CCDC80: variants seen among roughly 807,000 people sequenced by gnomAD.
The protein encoded by CCDC80 is coiled-coil domain containing 80, also known as coiled-coil domain-containing protein 80.
In CCDC80, 49 loss-of-function variants were observed where a neutral mutation model predicts 78.7. The ratio of observed to expected loss-of-function variants is 0.62; its 90% CI spans 0.50 to 0.79. The LOEUF (loss-of-function observed/expected upper bound fraction) is 0.79. Ranked by LOEUF, CCDC80 falls within the 30% of genes least tolerant of loss-of-function variation. CCDC80 has a pLI of 0.00. For missense variants in CCDC80, 1,205 were observed against 1,198.6 expected (o/e 1.01, Z -0.08); for synonymous variants, 488 against 447.0 (o/e 1.09, Z -1.16).
chr3:112,609,678 TA>T (rs5851853), intron 6 of CCDC80, among the ~76,000 whole-genome samples: 9 of 150,126 alleles, frequency 6.0e-5, no homozygotes, highest in South Asian at 2.1e-4. Flanking sequence ...TGAGACAATT[TA>T]AAAAAAAACT....
rs1935414723 is a variant in CCDC80, at chr3:112,603,631, A to G, written c.*1786T>C. On this transcript the variant is annotated 3_prime_UTR_variant, in exon 8 of 8. Coordinates refer to ENST00000206423, the MANE Select transcript of CCDC80 (RefSeq NM_199511.3). Reference sequence around the variant, plus strand: ...TATATATATATATAGCTGTTCACTGACAATATACCCAGTCACCCAAGAACT... The same window carrying G: ...TATATATATATATAGCTGTTCACTGGCAATATACCCAGTCACCCAAGAACT... 6.7e-6 allele frequency: 1 copy of G among 150,332 alleles called. No individual in the cohort carries two copies. The highest frequency in any genetic ancestry group is 2.4e-5 in the African/African-American group (1 of 40,972). 9.3% of individuals were successfully genotyped at this position (150,332 alleles called of 1,614,324 possible). A position where few individuals can be genotyped will look rare whatever the true frequency, so the allele number is the denominator to read the frequency against.
chr3:112,632,424 T>G (rs1936116637), intron 2 of CCDC80, among the ~76,000 whole-genome samples: 1 of 152,188 alleles, frequency 6.6e-6, no homozygotes, highest in African/African-American at 2.4e-5. Flanking sequence ...CAAAGCTGCT[T>G]AGATGTTAGA....
chr3:112,640,269 A>T (rs1936315710), intron 1 of CCDC80, 58 bp downstream of exon 1: 1 of 223,632 alleles, frequency 4.5e-6, no homozygotes, highest in Admixed American at 5.1e-5. Flanking sequence ...CATTCCTTCA[A>T]AATAAGCAAT....
At position 112,601,171 on chromosome 3, in the gene CCDC80, A is replaced by C. The variant is rs1054245536; in HGVS notation, c.*4246T>G. 2.0e-5 allele frequency: 3 copies of C among 152,248 alleles called. No homozygotes were observed. The highest frequency in any genetic ancestry group is 4.1e-4 in the South Asian group (2 of 4,834). The allele number at this position is 152,248 out of a possible 1,614,324, so 9.4% of individuals were successfully genotyped here. A position where few individuals can be genotyped will look rare whatever the true frequency, so the allele number is the denominator to read the frequency against. On this transcript the variant is annotated 3_prime_UTR_variant, in exon 8 of 8. Transcript: ENST00000206423. ...GGTCTTTATGGAAAATGAATGGCAGAATAAGTGATTTGTCAAGTTCATTGA... is the reference window on the plus strand; with the variant it reads ...GGTCTTTATGGAAAATGAATGGCAGCATAAGTGATTTGTCAAGTTCATTGA...
intron 2 of CCDC80, among the ~76,000 whole-genome samples, chr3:112,633,409 G>A (rs1400082767): frequency 2.0e-5 from 3 of 152,014 alleles, no homozygotes; most frequent in African/African-American, 4.8e-5. Flanking sequence ...TTTAATTACT[G>A]TTCTTTTTGT....
intron 3 of CCDC80, among the ~76,000 whole-genome samples, chr3:112,623,627 T>A (rs547318257): frequency 7.2e-5 from 11 of 152,304 alleles, no homozygotes; most frequent in African/African-American, 2.6e-4. Context: ...AAAAATTTCC[T>A]GGGTAGTTGT....
At position 112,601,754 on chromosome 3, in the gene CCDC80, GAT is replaced by G. The variant is rs1935380943; in HGVS notation, c.*3661_*3662del. 1 of 151,550 alleles carries G rather than the reference GAT, an allele frequency of 6.6e-6. No individual in the cohort carries two copies. Among genetic ancestry groups the G allele is most frequent in the Non-Finnish European group, 1.5e-5 (1 of 67,968 alleles). The allele number at this position is 151,550 out of a possible 1,614,324, so 9.4% of individuals were successfully genotyped here. ...GGGAGGAAGGGAGAAAGTTTACTTT[GAT>G]ATGCCATATGATTGAAACAAATGCT... On this transcript the variant is annotated 3_prime_UTR_variant, in exon 8 of 8. Coordinates refer to ENST00000206423, the MANE Select transcript of CCDC80 (RefSeq NM_199511.3).
chr3:112,614,019 T>C (rs1195344013), intron 5 of CCDC80, among the ~76,000 whole-genome samples: 2 of 152,124 alleles, frequency 1.3e-5, no homozygotes, highest in Non-Finnish European at 2.9e-5. Context: ...GTTGAAATCT[T>C]ACAGTGTATG....
At chr3:112,629,480 G>A (rs1936051741) in intron 3 of CCDC80, among the ~76,000 whole-genome samples, 1 of 152,166 alleles carries the variant, frequency 6.6e-6, no homozygotes, top group Non-Finnish European at 1.5e-5. Context: ...ACTGCAATGA[G>A]TTAGATCTCA....
At chr3:112,624,227 T>C (rs1318775875) in intron 3 of CCDC80, among the ~76,000 whole-genome samples, 2 of 152,242 alleles carry the variant, frequency 1.3e-5, no homozygotes, top group African/African-American at 4.8e-5. Flanking sequence ...CACATTCATA[T>C]ATATTTTTTT....
In CCDC80 at chr3:112,602,743, C is replaced by A. The variant is rs1451091499; in HGVS notation, c.*2674G>T. 1.3e-5 allele frequency: 2 copies of A among 152,224 alleles called. No homozygotes were observed. Among genetic ancestry groups the A allele is most frequent in the African/African-American group, 4.8e-5 (2 of 41,434 alleles). The allele number at this position is 152,224 out of a possible 1,614,324, so 9.4% of individuals were successfully genotyped here. ...AAAAAAAGTTTGAAGGTAGCAGAGT[C>A]TGGTTCATGAGTTTGAAGAAAAGAA... On this transcript the variant is annotated 3_prime_UTR_variant, in exon 8 of 8. Transcript: ENST00000206423.
intron 1 of CCDC80, 122 bp from the exon 2 acceptor site, chr3:112,640,038 G>A: frequency 7.0e-7 from 1 of 1,438,708 alleles, no homozygotes; most frequent in Non-Finnish European, 9.1e-7. Context: ...AGGGGAAAAG[G>A]TTGGTTAGAG....
rs902616352 is a variant in CCDC80, at chr3:112,600,704, G to T, written c.*4713C>A. The T allele has an allele frequency of 6.5e-6, 1 of 152,708 alleles. No homozygotes were observed. Among genetic ancestry groups the T allele is most frequent in the East Asian group, 1.9e-4 (1 of 5,188 alleles). 9.5% of individuals were successfully genotyped at this position (152,708 alleles called of 1,614,324 possible). ...TTTTTTGTAGAGACAGGGTTTTGCC[G>T]TGTTGCCCAGGCTGGTCTCGAAGTC... On this transcript the variant is annotated 3_prime_UTR_variant, in exon 8 of 8. Coordinates refer to ENST00000206423, the MANE Select transcript of CCDC80 (RefSeq NM_199511.3).
At chr3:112,612,170 G>A (rs1227357803) in intron 5 of CCDC80, among the ~76,000 whole-genome samples, 1 of 151,964 alleles carries the variant, frequency 6.6e-6, no homozygotes, top group Non-Finnish European at 1.5e-5. Context: ...TCTTAGGAAA[G>A]GGAACAGTAA....
At chr3:112,611,192 C>T (rs1046084958) in intron 5 of CCDC80, among the ~76,000 whole-genome samples, 17 of 152,080 alleles carry the variant, frequency 1.1e-4, no homozygotes, top group Admixed American at 1.1e-3. Flanking sequence ...GGATTACAGG[C>T]GTGAGCCACT....
rs145724807 is a variant in CCDC80 at position 112,616,819 on chromosome 3, C to G, written c.2212G>C (p.Asp738His). 5.6e-5 allele frequency: 90 copies of G among 1,613,962 alleles called. No homozygotes were observed. The highest frequency in any genetic ancestry group is 7.1e-5 in the Non-Finnish European group (84 of 1,180,014). Residue 738 changes from aspartate (D) to histidine (H), a missense_variant, in exon 5 of 8, where the codon GAT (aspartate) becomes CAT (histidine). Physicochemically the swap from Asp to His is moderately conservative, Grantham distance 81. Transcript: ENST00000206423. Reference protein sequence around the residue: ...EVPITMKSVFDLIDTFQSRIK... With the variant: ...EVPITMKSVFHLIDTFQSRIK... ...CGGGACTGGAAAGTATCGATCAGATCAAACACAGACTTCATTGTTATTGGT... is the reference window on the plus strand; with the variant it reads ...CGGGACTGGAAAGTATCGATCAGATGAAACACAGACTTCATTGTTATTGGT...
At chr3:112,626,280 C>G (rs1935971194) in intron 3 of CCDC80, among the ~76,000 whole-genome samples, 1 of 152,150 alleles carries the variant, frequency 6.6e-6, no homozygotes, top group South Asian at 2.1e-4. Flanking sequence ...AGTCTGAGCA[C>G]TCATCCTGCC....
At chr3:112,609,072 C>T (rs1935571022) in intron 6 of CCDC80, among the ~76,000 whole-genome samples, 1 of 152,068 alleles carries the variant, frequency 6.6e-6, no homozygotes, top group South Asian at 2.1e-4. Context: ...TAATTTGTTG[C>T]CCTTAGCTAC....
chr3:112,596,975 C>T lies in CCDC80; in HGVS notation c.*8442G>A, dbSNP rs1935293437. ...GATAGATTTGTGTAAGAAATCTTGA[C>T]TTTGAGAGTTCAATGTCATTCCCAA... On this transcript the variant is annotated 3_prime_UTR_variant, in exon 8 of 8. Coordinates refer to ENST00000206423, the MANE Select transcript of CCDC80 (RefSeq NM_199511.3). 1 of 152,132 alleles carries T rather than the reference C, an allele frequency of 6.6e-6. No homozygotes were observed. Among genetic ancestry groups the T allele is most frequent in the Non-Finnish European group, 1.5e-5 (1 of 68,024 alleles). 9.4% of individuals were successfully genotyped at this position (152,132 alleles called of 1,614,324 possible).
Sources: gnomAD v4.1 joint callset for allele counts (sites outside exome capture counted in the v4.1 genomes callset) on GRCh38, gnomAD v4.1.1 for gene constraint, MANE v1.5 for transcripts, NCBI Gene and HGNC (gene_info 2026-07-23, HGNC 2026-07-21) for gene names.